The following NRF1 variants were observed in gnomAD, a reference collection of about 807,000 sequenced individuals.
The protein encoded by NRF1 is alpha palindromic-binding protein.
NRF1 carries 5 observed loss-of-function variants against 58.5 expected under a neutral mutation model. The observed-to-expected ratio is 0.09, with a 90% CI of 0.04 to 0.18. NRF1 has a LOEUF of 0.18. Ranked by LOEUF, NRF1 falls within the 10% of genes least tolerant of loss-of-function variation. The probability of loss-of-function intolerance (pLI) is 1.00; values close to 1 mark genes in which losing one functional copy is unlikely to be tolerated. For missense variants in NRF1, 288 were observed against 657.7 expected (o/e 0.44, Z 6.15); for synonymous variants, 224 against 246.7 (o/e 0.91, Z 0.86).
At chr7:129,627,511 T>C (rs1288907463) in intron 1 of NRF1, among the ~76,000 whole-genome samples, 3 of 152,120 alleles carry the variant, frequency 2.0e-5, no homozygotes, top group Admixed American at 6.5e-5. Context: ...CCAGCAAAAG[T>C]GCTTTTTTAA....
chr7:129,689,949 A>G (rs945284159), intron 4 of NRF1, among the ~76,000 whole-genome samples: 2 of 152,190 alleles, frequency 1.3e-5, no homozygotes, highest in African/African-American at 4.8e-5. Flanking sequence ...GCAGGAATGT[A>G]GCAGCAGTTT....
At chr7:129,684,769 G>A (rs573821338) in intron 4 of NRF1, among the ~76,000 whole-genome samples, 12 of 152,286 alleles carry the variant, frequency 7.9e-5, no homozygotes, top group African/African-American at 2.2e-4. Flanking sequence ...TGAAAGCCCC[G>A]TTGCTCATGT....
chr7:129,695,764 T>C (rs1297039599), intron 5 of NRF1, among the ~76,000 whole-genome samples: 2 of 150,750 alleles, frequency 1.3e-5, no homozygotes, highest in Non-Finnish European at 3.0e-5. Context: ...CCTCTGTGTG[T>C]TTAGAACTTG....
At position 129,619,490 on chromosome 7, in the gene NRF1, G is replaced by GTGTGTATA. The variant is rs1422472177; in HGVS notation, c.-7+7667_-7+7668insGTGTATAT. 8.8e-4 allele frequency among the ~76,000 whole-genome samples: 43 copies of GTGTGTATA among 48,614 alleles called. 1 individual carries two copies. Among genetic ancestry groups the GTGTGTATA allele is most frequent in the African/African-American group, 4.2e-3 (42 of 9,992 alleles). The allele number at this position is 48,614 out of a possible 152,430, so 31.9% of individuals were successfully genotyped here. On this transcript the variant is annotated intron_variant, in intron 1 of 10. Coordinates refer to ENST00000393232, the MANE Select transcript of NRF1 (RefSeq NM_005011.5). ...TGTGTGTGTGTGTGTGTGTGTGTGT[G>GTGTGTATA]TATATATATATATATATATATATGT... is the stretch of plus-strand genomic sequence containing the variant.
chr7:129,699,966 C>T (rs866568226), intron 5 of NRF1, among the ~76,000 whole-genome samples: 4 of 110,900 alleles, frequency 3.6e-5, no homozygotes, highest in East Asian at 2.6e-4. Flanking sequence ...AGTGAAACCC[C>T]GTCTCCACTA....
intron 1 of NRF1, among the ~76,000 whole-genome samples, chr7:129,636,808 G>A (rs1277624009): frequency 1.3e-5 from 2 of 152,150 alleles, no homozygotes; most frequent in African/African-American, 4.8e-5. Context: ...ATAGAAAAAC[G>A]TATTCATTTG....
At chr7:129,697,165 C>G (rs531239656) in intron 5 of NRF1, among the ~76,000 whole-genome samples, 6 of 151,712 alleles carry the variant, frequency 4.0e-5, no homozygotes, top group Non-Finnish European at 7.4e-5. Context: ...TAATTTTTCT[C>G]AACAATTAAG....
chr7:129,720,090 A>G (rs1397116702), intron 9 of NRF1, among the ~76,000 whole-genome samples: 2 of 152,208 alleles, frequency 1.3e-5, no homozygotes, highest in Admixed American at 6.5e-5. Flanking sequence ...GTTTACTCCA[A>G]AGGAAGGAGA....
intron 1 of NRF1, among the ~76,000 whole-genome samples, chr7:129,614,479 A>G (rs1363643941): frequency 6.0e-5 from 3 of 50,398 alleles, no homozygotes; most frequent in Admixed American, 1.8e-4. Flanking sequence ...ATACATATAT[A>G]TAATTTTTTT....
intron 5 of NRF1, among the ~76,000 whole-genome samples, chr7:129,695,132 G>T (rs187642726): frequency 3.1e-4 from 47 of 152,194 alleles, no homozygotes; most frequent in African/African-American, 1.1e-3. Context: ...TGTAATTTGA[G>T]GAGTTTAGGG....
At chr7:129,657,619 T>TA in intron 2 of NRF1, 45 bp downstream of exon 2, 1 of 1,426,510 alleles carries the variant, frequency 7.0e-7, no homozygotes, top group Non-Finnish European at 9.6e-7. Context: ...TTTTTTTTTT[T>TA]TTTTTTTGGA....
Position 129,741,942 on chromosome 7 carries a change from C to T in NRF1, c.1349-13076C>T, listed in dbSNP as rs1803855463. ...AGGATAAACATGCTTCCTCTTTGTG[C>T]GATGCTCTTTCTCCATCCTTCTGCC... is the stretch of plus-strand genomic sequence containing the variant. On this transcript the variant is annotated intron_variant, in intron 10 of 10. Coordinates refer to ENST00000393232, the MANE Select transcript of NRF1 (RefSeq NM_005011.5). This position sits in a 1 kb window ranked among gnomAD's most constrained non-coding sequence, Gnocchi z 4.0. Among the ~76,000 whole-genome samples the T allele has an allele frequency of 6.6e-6, 1 of 152,150 alleles. No individual in the cohort carries two copies. Among genetic ancestry groups the T allele is most frequent in the Non-Finnish European group, 1.5e-5 (1 of 68,040 alleles).
At chr7:129,730,086 A>G (rs937590909) in intron 10 of NRF1, among the ~76,000 whole-genome samples, 7 of 152,152 alleles carry the variant, frequency 4.6e-5, no homozygotes, top group African/African-American at 1.2e-4. Flanking sequence ...CAGCCTCCCA[A>G]AGTACTGGGA....
At chr7:129,628,990 A>C (rs1800983203) in intron 1 of NRF1, among the ~76,000 whole-genome samples, 1 of 152,252 alleles carries the variant, frequency 6.6e-6, no homozygotes, top group Non-Finnish European at 1.5e-5. Context: ...TCATCAGAAA[A>C]GGCTTTTAAG....
intron 2 of NRF1, among the ~76,000 whole-genome samples, chr7:129,664,374 C>G (rs73159621): frequency 1.6e-3 from 243 of 152,076 alleles, no homozygotes; most frequent in Middle Eastern, 3.4e-3. Context: ...AAAAGCTAGA[C>G]AAGAAATTAA....
intron 5 of NRF1, among the ~76,000 whole-genome samples, chr7:129,704,702 A>G (rs928825776): frequency 6.6e-6 from 1 of 152,208 alleles, no homozygotes; most frequent in Non-Finnish European, 1.5e-5. Flanking sequence ...TATGCACTAT[A>G]GCCTGGTGGT....
chr7:129,740,230 A>G (rs928421960), intron 10 of NRF1, among the ~76,000 whole-genome samples: 2 of 152,200 alleles, frequency 1.3e-5, no homozygotes, highest in African/African-American at 2.4e-5. Flanking sequence ...GGGGTAGCAG[A>G]GACTATAGTC....
In NRF1 at chr7:129,727,161, A is replaced by G. The variant is rs550960272; in HGVS notation, c.1224-80A>G. On this transcript the variant is annotated intron_variant, in intron 9 of 10. Transcript: ENST00000393232. ...TGGAGTCAGTAGAAAGACCCAAGGA[A>G]GGCATTGAAAGGATGGTTTGTCTTG... The G allele has an allele frequency of 4.2e-5, 59 of 1,421,648 alleles. No homozygotes were observed. The Middle Eastern group carries it at 1.4e-3, about 34-fold the overall frequency. 88.1% of individuals were successfully genotyped at this position (1,421,648 alleles called of 1,614,324 possible).
intron 1 of NRF1, among the ~76,000 whole-genome samples, chr7:129,620,043 A>T (rs1393461825): frequency 1.3e-5 from 2 of 152,284 alleles, no homozygotes; most frequent in East Asian, 3.9e-4. Flanking sequence ...TGACACACAG[A>T]AAAGTCAAGG....
Sources: allele counts gnomAD v4.1 joint callset (sites outside exome capture counted in the v4.1 genomes callset), GRCh38; gene constraint gnomAD v4.1.1; non-coding constraint Gnocchi (gnomAD v3.1); transcripts MANE v1.5; gene names NCBI Gene and HGNC (gene_info 2026-07-23, HGNC 2026-07-21).